The following RPS6KC1 variants were observed in gnomAD, a reference collection of about 807,000 sequenced individuals.
The protein encoded by RPS6KC1 is inactive ribosomal protein S6 kinase delta-1.
A neutral mutation model predicts 103.8 loss-of-function variants in RPS6KC1; 54 were observed. That is an observed-to-expected ratio of 0.52 (90% CI 0.42 to 0.65). The LOEUF (loss-of-function observed/expected upper bound fraction) is 0.65. Ranked by LOEUF, RPS6KC1 falls within the 30% of genes least tolerant of loss-of-function variation. The pLI, the probability that RPS6KC1 is intolerant of heterozygous loss-of-function variation, is 0.00. For synonymous variants in RPS6KC1, 439 were observed against 438.7 expected (o/e 1.00, Z -0.01); for missense variants, 1,151 against 1,253.8 (o/e 0.92, Z 1.24).
At chr1:213,137,797 ATATTTTTTTTT>A (rs1257683792) in intron 6 of RPS6KC1, among the ~76,000 whole-genome samples, 1 of 33,038 alleles carries the variant, frequency 3.0e-5, no homozygotes, top group African/African-American at 8.6e-5. Context: ...ATATATATAT[ATATTTTTTTTT>A]TTTTTTTTTT....
intron 6 of RPS6KC1, among the ~76,000 whole-genome samples, chr1:213,153,864 T>A (rs1166432492): frequency 6.6e-6 from 1 of 152,098 alleles, no homozygotes; most frequent in Non-Finnish European, 1.5e-5. Context: ...GGGTAAATGT[T>A]TTTTTTTATT....
chr1:213,645,473 G>T, the RPS6KC1 span, among the ~76,000 whole-genome samples: 2 of 152,098 alleles, frequency 1.3e-5, no homozygotes, highest in South Asian at 2.1e-4. Context: ...GTATGTAAAG[G>T]TGTCCGAGCC....
chr1:213,589,968 T>C, the RPS6KC1 span, among the ~76,000 whole-genome samples: 5 of 149,196 alleles, frequency 3.4e-5, no homozygotes, highest in Non-Finnish European at 5.9e-5. Context: ...TGTGTGTGTG[T>C]GTGTGTGTGT....
At chr1:213,278,923 A>G (rs2149210277), downstream of RPS6KC1, among the ~76,000 whole-genome samples, 1 of 152,130 alleles carries the variant, frequency 6.6e-6, no homozygotes, top group East Asian at 1.9e-4. Flanking sequence ...AGAGAAGGAA[A>G]GTTCTCGGGG....
the RPS6KC1 span, among the ~76,000 whole-genome samples, chr1:213,637,816 G>A: frequency 6.6e-6 from 1 of 151,668 alleles, no homozygotes; most frequent in Admixed American, 6.6e-5. Context: ...TTTTTGTTTT[G>A]TTTTGTTTTT....
chr1:213,658,486 G>A, the RPS6KC1 span, among the ~76,000 whole-genome samples: 25 of 152,316 alleles, frequency 1.6e-4, no homozygotes, highest in East Asian at 4.6e-3. Context: ...TTGCTGAAGA[G>A]AGGCAGGTAA....
chr1:213,322,930 T>G, the RPS6KC1 span, among the ~76,000 whole-genome samples: 1 of 137,862 alleles, frequency 7.3e-6, no homozygotes, highest in South Asian at 2.4e-4. Context: ...TTTTTTTTTT[T>G]TTTTTTTTTT....
the RPS6KC1 span, among the ~76,000 whole-genome samples, chr1:213,643,069 C>T: frequency 2.0e-5 from 3 of 151,708 alleles, no homozygotes; most frequent in African/African-American, 4.8e-5. Flanking sequence ...TTAATAAATA[C>T]GGTTTTCTAA....
At chr1:213,150,854 C>T (rs1030023237) in intron 6 of RPS6KC1, among the ~76,000 whole-genome samples, 6 of 152,258 alleles carry the variant, frequency 3.9e-5, no homozygotes, top group East Asian at 1.9e-4. Flanking sequence ...GGGTGGTGGC[C>T]GGGCAGAGGG....
chr1:213,606,536 C>T, the RPS6KC1 span, among the ~76,000 whole-genome samples: 14 of 152,270 alleles, frequency 9.2e-5, no homozygotes, highest in African/African-American at 2.2e-4. Flanking sequence ...GATTGTTTTC[C>T]GGTAAAGGAG....
chr1:213,779,672 C>G, the RPS6KC1 span, among the ~76,000 whole-genome samples: 10 of 152,162 alleles, frequency 6.6e-5, no homozygotes, highest in Non-Finnish European at 1.2e-4. Context: ...GATCTGAATG[C>G]GGATCCAGTG....
the RPS6KC1 span, among the ~76,000 whole-genome samples, chr1:213,424,235 ACT>A: frequency 2.0e-5 from 3 of 152,166 alleles, no homozygotes; most frequent in Non-Finnish European, 4.4e-5. Context: ...TTCCAACTCA[ACT>A]TCGGCTTTCT....
At chr1:213,596,911 A>C in the RPS6KC1 span, among the ~76,000 whole-genome samples, 320 of 152,236 alleles carry the variant, frequency 2.1e-3, no homozygotes, top group African/African-American at 7.4e-3. Flanking sequence ...TTTGTACCCT[A>C]CCTCTGTGAG....
the RPS6KC1 span, among the ~76,000 whole-genome samples, chr1:213,664,044 C>T: frequency 6.6e-6 from 1 of 152,184 alleles, no homozygotes; most frequent in Admixed American, 6.5e-5. Context: ...CGCCACCTCA[C>T]CCATGTGCAG....
the RPS6KC1 span, among the ~76,000 whole-genome samples, chr1:213,406,885 G>A: frequency 1.3e-5 from 2 of 152,120 alleles, no homozygotes; most frequent in Admixed American, 6.5e-5. Flanking sequence ...CATGATTATC[G>A]TCATTTTACA....
At chr1:213,225,886 CT>C (rs1395498372) in intron 8 of RPS6KC1, among the ~76,000 whole-genome samples, 1 of 152,160 alleles carries the variant, frequency 6.6e-6, no homozygotes, top group Non-Finnish European at 1.5e-5. Flanking sequence ...ATAGATATGT[CT>C]TGTTCAAATA....
At chr1:213,405,935 G>A in the RPS6KC1 span, among the ~76,000 whole-genome samples, 19 of 152,302 alleles carry the variant, frequency 1.2e-4, no homozygotes, top group Admixed American at 4.6e-4. Context: ...CCTCCGACCC[G>A]GCTAAGGGAG....
At chr1:213,412,091 T>C in the RPS6KC1 span, among the ~76,000 whole-genome samples, 6 of 152,180 alleles carry the variant, frequency 3.9e-5, no homozygotes, top group African/African-American at 1.4e-4. Flanking sequence ...GAAGCCTGGG[T>C]GGGCAGAGGG....
intron 6 of RPS6KC1, among the ~76,000 whole-genome samples, chr1:213,140,491 A>G (rs958534707): frequency 6.6e-6 from 1 of 151,994 alleles, no homozygotes; most frequent in African/African-American, 2.4e-5. Context: ...GATGACTCTT[A>G]TTATTTTGAG....
Sources: allele counts gnomAD v4.1 joint callset (sites outside exome capture counted in the v4.1 genomes callset), GRCh38; gene constraint gnomAD v4.1.1; transcripts MANE v1.5; gene names NCBI Gene and HGNC (gene_info 2026-07-23, HGNC 2026-07-21).